CELF4: variants seen among roughly 807,000 people sequenced by gnomAD.
CELF4 encodes the protein CUG-BP- and ETR-3-like factor 4.
In CELF4, 18 loss-of-function variants were observed where a neutral mutation model predicts 59.9. That is an observed-to-expected ratio of 0.30 (90% CI 0.21 to 0.45). CELF4 has a LOEUF of 0.45. Ranked by LOEUF, CELF4 falls within the 20% of genes least tolerant of loss-of-function variation. CELF4 has a pLI of 1.00. For synonymous variants in CELF4, 261 were observed against 267.1 expected (o/e 0.98, Z 0.22); for missense variants, 456 against 689.0 (o/e 0.66, Z 3.79).
chr18:37,465,131 C>A (rs2099804447), intron 2 of CELF4, among the ~76,000 whole-genome samples: 1 of 152,116 alleles, frequency 6.6e-6, no homozygotes, highest in African/African-American at 2.4e-5. Flanking sequence ...TGGGGAGATG[C>A]CTTAGGAAAG....
intron 3 of CELF4, chr18:37,275,496 G>A (rs2093006319): frequency 2.0e-6 from 1 of 502,136 alleles, no homozygotes; most frequent in African/African-American, 2.0e-5. Context: ...GCTGTGGCAG[G>A]CAGGAGCTGG....
chr18:37,389,960 G>A (rs569359565), intron 2 of CELF4, among the ~76,000 whole-genome samples: 31 of 152,332 alleles, frequency 2.0e-4, no homozygotes, highest in African/African-American at 7.5e-4. Flanking sequence ...ATCCTTCAGG[G>A]ATGGGCCCAT....
chr18:37,504,601 A>C (rs2099935562), intron 1 of CELF4, among the ~76,000 whole-genome samples: 1 of 152,088 alleles, frequency 6.6e-6, no homozygotes, highest in Non-Finnish European at 1.5e-5. Flanking sequence ...TGGCTTGCTG[A>C]GGGTTAAGTG....
intron 2 of CELF4, among the ~76,000 whole-genome samples, chr18:37,357,344 G>A (rs1330480477): frequency 2.0e-5 from 3 of 152,064 alleles, no homozygotes; most frequent in Admixed American, 2.0e-4. Flanking sequence ...GGCTTCAGAG[G>A]GTGCAAACCT....
At position 37,347,224 on chromosome 18, in the gene CELF4, G is replaced by A. The variant is rs80137989; in HGVS notation, c.370-25343C>T. On this transcript the variant is annotated intron_variant, in intron 2 of 12. Transcript: ENST00000420428. ...GGAAGAGAATGGGGAGCCCCAGAGC[G>A]TGGAGGAGGGGTGCACAGGGAGTCT... 9.2e-5 allele frequency among the ~76,000 whole-genome samples: 14 copies of A among 152,200 alleles called. No individual in the cohort carries two copies. In the East Asian group the frequency reaches 9.7e-4, roughly 11 times the overall value.
chr18:37,323,274 C>A (rs2097187232), intron 2 of CELF4, among the ~76,000 whole-genome samples: 1 of 152,118 alleles, frequency 6.6e-6, no homozygotes, highest in Non-Finnish European at 1.5e-5. Context: ...AGGGCCAGCC[C>A]ACCGAGAGGG....
At chr18:37,405,470 C>T (rs572126299) in intron 2 of CELF4, among the ~76,000 whole-genome samples, 35 of 152,250 alleles carry the variant, frequency 2.3e-4, no homozygotes, top group Non-Finnish European at 4.8e-4. Context: ...ACCCTTCCTT[C>T]GAAGAGGGGC....
chr18:37,255,229 TAGA>T (rs1215735899), intron 11 of CELF4, among the ~76,000 whole-genome samples: 1 of 152,076 alleles, frequency 6.6e-6, no homozygotes, highest in Non-Finnish European at 1.5e-5. Flanking sequence ...GGGAGTGAAG[TAGA>T]AGCCGTCTTC....
At chr18:37,371,272 T>A (rs958893027) in intron 2 of CELF4, among the ~76,000 whole-genome samples, 2 of 152,224 alleles carry the variant, frequency 1.3e-5, no homozygotes, top group African/African-American at 4.8e-5. Flanking sequence ...GCCAAGTCAT[T>A]GATAATGTGG....
chr18:37,516,023 A>G (rs538408393), intron 1 of CELF4, among the ~76,000 whole-genome samples: 1 of 152,278 alleles, frequency 6.6e-6, no homozygotes, highest in African/African-American at 2.4e-5. Context: ...TGAATGAATG[A>G]ATGAATGTGG....
intron 3 of CELF4, among the ~76,000 whole-genome samples, chr18:37,277,802 A>G (rs1489169100): frequency 1.3e-5 from 2 of 152,114 alleles, no homozygotes; most frequent in African/African-American, 4.8e-5. Flanking sequence ...TTAAAGGCTC[A>G]ATCGAATTGG....
At chr18:37,489,830 G>A (rs2099894889) in intron 1 of CELF4, among the ~76,000 whole-genome samples, 1 of 152,134 alleles carries the variant, frequency 6.6e-6, no homozygotes, top group South Asian at 2.1e-4. Context: ...GGCTTGAGAA[G>A]GTCTGTGGAG....
At chr18:37,339,335 T>C (rs993987324) in intron 2 of CELF4, among the ~76,000 whole-genome samples, 21 of 152,206 alleles carry the variant, frequency 1.4e-4, no homozygotes, top group Non-Finnish European at 2.9e-4. Flanking sequence ...AAGTGGGGGC[T>C]TGGCTTGCGC....
intron 3 of CELF4, chr18:37,306,008 A>T (rs1384393460): frequency 6.6e-6 from 1 of 152,364 alleles, no homozygotes; most frequent in East Asian, 1.9e-4. Context: ...CTTACAGCTG[A>T]GTTGGCGCAC....
chr18:37,420,742 T>A (rs2099573118), intron 2 of CELF4, among the ~76,000 whole-genome samples: 1 of 152,152 alleles, frequency 6.6e-6, no homozygotes, highest in Non-Finnish European at 1.5e-5. Flanking sequence ...GCTTCCTGCA[T>A]CCCACAGAGA....
intron 9 of CELF4, among the ~76,000 whole-genome samples, chr18:37,265,189 A>G (rs528193456): frequency 2.0e-5 from 3 of 151,988 alleles, no homozygotes; most frequent in South Asian, 2.1e-4. Context: ...ACATGTGTAC[A>G]TGCACGTGTG....
chr18:37,495,943 T>C (rs2099924722), intron 1 of CELF4, among the ~76,000 whole-genome samples: 1 of 152,168 alleles, frequency 6.6e-6, no homozygotes, highest in Non-Finnish European at 1.5e-5. Context: ...GCAGTGGACC[T>C]ATGAGTCCCT....
chr18:37,400,500 A>C (rs1349619334), intron 2 of CELF4, among the ~76,000 whole-genome samples: 1 of 152,226 alleles, frequency 6.6e-6, no homozygotes, highest in African/African-American at 2.4e-5. Flanking sequence ...TTCAGCAAAT[A>C]CTACTTAGAA....
intron 3 of CELF4, among the ~76,000 whole-genome samples, chr18:37,282,881 A>G (rs2094320017): frequency 6.6e-6 from 1 of 152,064 alleles, no homozygotes; most frequent in Admixed American, 6.5e-5. Context: ...CCTTCCCTCC[A>G]CTGCACTGTG....
Sources: allele counts gnomAD v4.1 joint callset (sites outside exome capture counted in the v4.1 genomes callset), GRCh38; gene constraint gnomAD v4.1.1; transcripts MANE v1.5; gene names NCBI Gene and HGNC (gene_info 2026-07-23, HGNC 2026-07-21).